The following C12orf42 variants were observed in gnomAD, a reference collection of about 807,000 sequenced individuals.
C12orf42 encodes the protein uncharacterized protein C12orf42.
Under a neutral mutation model 21.6 loss-of-function variants are expected in C12orf42, and 25 were observed. That is an observed-to-expected ratio of 1.16 (90% CI 0.84 to 1.62). The LOEUF (loss-of-function observed/expected upper bound fraction) is 1.62. Ranked by LOEUF, C12orf42 falls within the 40% of genes most tolerant of loss-of-function variation. The pLI is 0.00. For missense variants in C12orf42, 483 were observed against 459.3 expected, an observed-to-expected ratio of 1.05 and a Z score of -0.47; for synonymous variants, 174 against 175.0, an observed-to-expected ratio of 0.99 and a Z score of 0.05.
chr12:103,072,536 A>G, the C12orf42 span, among the ~76,000 whole-genome samples: 1 of 152,126 alleles, frequency 6.6e-6, no homozygotes, highest in African/African-American at 2.4e-5. Context: ...CAACTCATCA[A>G]TTCTACAATA....
At chr12:103,183,577 C>T in the C12orf42 span, among the ~76,000 whole-genome samples, 1 of 151,778 alleles carries the variant, frequency 6.6e-6, no homozygotes. Flanking sequence ...TTGGTTTCTG[C>T]TCTTATCTTT....
the C12orf42 span, chr12:103,505,698 A>G: frequency 4.6e-6 from 1 of 218,342 alleles, no homozygotes; most frequent in African/African-American, 2.4e-5. Flanking sequence ...CTGTAGATGG[A>G]GAGGACAGTT....
At chr12:103,157,174 G>A in the C12orf42 span, among the ~76,000 whole-genome samples, 1 of 152,060 alleles carries the variant, frequency 6.6e-6, no homozygotes, top group Non-Finnish European at 1.5e-5. Flanking sequence ...ATTCTGACTG[G>A]CATGAGATGG....
the C12orf42 span, among the ~76,000 whole-genome samples, chr12:103,051,912 T>C: frequency 1.3e-5 from 2 of 152,194 alleles, no homozygotes; most frequent in Non-Finnish European, 2.9e-5. Flanking sequence ...TGACAAAACA[T>C]GGTTCTAATT....
At chr12:103,369,074 T>A (rs2044919241) in intron 3 of C12orf42, 76 bp from the exon 4 acceptor site, 1 of 674,630 alleles carries the variant, frequency 1.5e-6, no homozygotes, top group Admixed American at 3.1e-5. Context: ...CACCTAGCAC[T>A]CTTACTTCCC....
At chr12:103,456,474 T>C (rs572180232) in intron 2 of C12orf42, among the ~76,000 whole-genome samples, 10 of 152,174 alleles carry the variant, frequency 6.6e-5, no homozygotes, top group Non-Finnish European at 1.5e-4. Context: ...TCAAAATTTG[T>C]CAAAAGTCAA....
intron 1 of C12orf42, among the ~76,000 whole-genome samples, chr12:103,495,354 G>A (rs186202890): frequency 3.2e-4 from 48 of 152,210 alleles, no homozygotes; most frequent in African/African-American, 1.1e-3. Context: ...AGGTGAGCAG[G>A]GCTGCAAAGA....
the C12orf42 span, among the ~76,000 whole-genome samples, chr12:103,138,826 C>T: frequency 2.0e-5 from 3 of 152,172 alleles, no homozygotes; most frequent in Non-Finnish European, 4.4e-5. Context: ...ATCCACACAT[C>T]CCCTGCTATC....
the C12orf42 span, among the ~76,000 whole-genome samples, chr12:103,146,545 G>GAAAGAAA: frequency 6.1e-5 from 4 of 65,720 alleles, no homozygotes; most frequent in African/African-American, 1.9e-4. Flanking sequence ...AAGAAAGAAA[G>GAAAGAAA]AGAAATAAAG....
At chr12:103,487,791 T>G (rs930794445) in intron 1 of C12orf42, among the ~76,000 whole-genome samples, 1 of 152,208 alleles carries the variant, frequency 6.6e-6, no homozygotes, top group Non-Finnish European at 1.5e-5. Context: ...TCCTTTTTTT[T>G]GCTTTCCATT....
the C12orf42 span, among the ~76,000 whole-genome samples, chr12:103,122,677 A>T: frequency 3.3e-5 from 5 of 152,324 alleles, no homozygotes; most frequent in Non-Finnish European, 7.4e-5. Flanking sequence ...TGAGGCTCTG[A>T]CTTAGAAACC....
chr12:103,302,291 G>A lies in C12orf42; in HGVS notation c.900C>T (p.Asp300=). The change falls in exon 6 of 6, where the codon GAC becomes GAT. Residue 300 remains aspartate, a synonymous_variant. Coordinates refer to ENST00000548883, the MANE Select transcript of C12orf42 (RefSeq NM_198521.5). Reference sequence around the variant, plus strand: ...CTGCCAGATTGCCATGGAGGGAGGTGTCCGCCTGAGGCCTCCTGTCCCGCG... The same window carrying A: ...CTGCCAGATTGCCATGGAGGGAGGTATCCGCCTGAGGCCTCCTGTCCCGCG... ...HTPRDRRPQA[D]TSLHGNLAGA... 1 of 1,613,474 alleles carries A rather than the reference G, an allele frequency of 6.2e-7. No homozygotes were observed. Among genetic ancestry groups the A allele is most frequent in the South Asian group, 1.1e-5 (1 of 91,050 alleles).
chr12:103,112,380 C>A, the C12orf42 span, among the ~76,000 whole-genome samples: 1 of 152,120 alleles, frequency 6.6e-6, no homozygotes, highest in African/African-American at 2.4e-5. Flanking sequence ...TTCATTGTGG[C>A]CAGGCGTGGT....
chr12:103,447,264 T>G (rs578150140), intron 2 of C12orf42, among the ~76,000 whole-genome samples: 10 of 151,836 alleles, frequency 6.6e-5, no homozygotes, highest in Non-Finnish European at 1.5e-4. Flanking sequence ...GAATGATCAC[T>G]GGGTCAACAA....
upstream of C12orf42, among the ~76,000 whole-genome samples, chr12:103,497,655 G>A (rs575900910): frequency 6.6e-5 from 10 of 152,274 alleles, no homozygotes; most frequent in South Asian, 2.1e-3. Context: ...AATAATCCTT[G>A]AGTACCTATC....
At chr12:103,506,632 A>G in the C12orf42 span, among the ~76,000 whole-genome samples, 3 of 150,336 alleles carry the variant, frequency 2.0e-5, no homozygotes, top group African/African-American at 4.9e-5. Context: ...TGTAAGTACA[A>G]TCTATGATGT....
At chr12:103,247,637 G>A (rs2034072063) in intron 10 of C12orf42, among the ~76,000 whole-genome samples, 2 of 151,882 alleles carry the variant, frequency 1.3e-5, no homozygotes, top group African/African-American at 4.8e-5. Flanking sequence ...TTTCTAATGA[G>A]TTCTTCTCCC....
At chr12:103,523,691 G>C in the C12orf42 span, among the ~76,000 whole-genome samples, 1 of 151,170 alleles carries the variant, frequency 6.6e-6, no homozygotes, top group Non-Finnish European at 1.5e-5. Context: ...AGCAATTACA[G>C]CATTGTTTTA....
chr12:103,062,219 T>C, the C12orf42 span, among the ~76,000 whole-genome samples: 1 of 151,346 alleles, frequency 6.6e-6, no homozygotes. Context: ...TATACATATA[T>C]TTATTCTTTC....
Sources: gnomAD v4.1 joint callset for allele counts (sites outside exome capture counted in the v4.1 genomes callset) on GRCh38, gnomAD v4.1.1 for gene constraint, MANE v1.5 for transcripts, NCBI Gene and HGNC (gene_info 2026-07-23, HGNC 2026-07-21) for gene names.